Variants in WDR44 observed in about 807,000 individuals in gnomAD.
The protein encoded by WDR44 is WD repeat domain 44.
Under a neutral mutation model 65.7 loss-of-function variants are expected in WDR44, and 9 were observed. The observed-to-expected ratio is 0.14, with a 90% CI of 0.08 to 0.24. The LOEUF (loss-of-function observed/expected upper bound fraction) is 0.24, where lower values mean the gene tolerates loss of function less well. WDR44 is among the 10% of genes least tolerant of loss of function. The pLI is 1.00. For synonymous variants in WDR44, 220 were observed against 235.2 expected, an observed-to-expected ratio of 0.94 and a Z score of 0.59; for missense variants, 425 against 670.9, an observed-to-expected ratio of 0.63 and a Z score of 4.05.
chrX:118,356,069 A>G lies in WDR44; in HGVS notation c.77+9489A>G, dbSNP rs1048949557. Among the ~76,000 whole-genome samples, 46 of 112,409 alleles carry G rather than the reference A, an allele frequency of 4.1e-4. 1 individual carries two copies. The highest frequency in any genetic ancestry group is 5.1e-4 in the Non-Finnish European group (27 of 53,322). ...GAAATATTATAGTGCTACATGTTAC[A>G]TGCAAAGAACGATAACACCATAACA... On this transcript the variant is annotated intron_variant, in intron 1 of 19. Transcript: ENST00000254029.
chrX:118,413,201 A>G (rs1359419153), intron 12 of WDR44, among the ~76,000 whole-genome samples: 1 of 112,272 alleles, frequency 8.9e-6, no homozygotes, highest in African/African-American at 3.2e-5. Flanking sequence ...TCCTCTGGGT[A>G]GATACCCAAT....
At chrX:118,352,965 A>T (rs2056427675) in intron 1 of WDR44, among the ~76,000 whole-genome samples, 1 of 112,122 alleles carries the variant, frequency 8.9e-6, no homozygotes, top group Non-Finnish European at 1.9e-5. Flanking sequence ...TAAGAGATTA[A>T]TAACCTATAA....
chrX:118,445,388 T>A (rs749186817), intron 19 of WDR44, among the ~76,000 whole-genome samples: 118 of 112,652 alleles, frequency 1.0e-3, no homozygotes, highest in Non-Finnish European at 2.0e-3. Flanking sequence ...AAAACTTCTT[T>A]ATTACCTGTC....
chrX:118,410,467 C>G (rs781365260), intron 11 of WDR44, among the ~76,000 whole-genome samples: 3 of 111,555 alleles, frequency 2.7e-5, no homozygotes, highest in Non-Finnish European at 5.6e-5. Flanking sequence ...ACTGTGTTTA[C>G]TATATGGTGA....
intron 10 of WDR44, among the ~76,000 whole-genome samples, chrX:118,407,630 G>A (rs2056979513): frequency 8.9e-6 from 1 of 112,329 alleles, no homozygotes; most frequent in African/African-American, 3.2e-5. Context: ...TTTGAAAAAT[G>A]TTTAAAATGC....
intron 1 of WDR44, among the ~76,000 whole-genome samples, chrX:118,371,431 TGAGA>T (rs753861314): frequency 3.3e-4 from 37 of 111,382 alleles, no homozygotes; most frequent in Middle Eastern, 4.2e-3. Flanking sequence ...TCAAAATTGC[TGAGA>T]GAGTAAATTT....
At chrX:118,366,902 G>A (rs750442848) in intron 1 of WDR44, among the ~76,000 whole-genome samples, 156 of 111,333 alleles carry the variant, frequency 1.4e-3, no homozygotes, top group African/African-American at 4.7e-3. Context: ...TGGAGACCAC[G>A]GTGAAACCCC....
At chrX:118,374,876 A>G (rs2056643697) in intron 1 of WDR44, among the ~76,000 whole-genome samples, 1 of 111,844 alleles carries the variant, frequency 8.9e-6, no homozygotes. Context: ...GATGAGATCG[A>G]GGCTTGGAGA....
chrX:118,427,954 C>T (rs1356452091), intron 12 of WDR44, among the ~76,000 whole-genome samples: 1 of 109,924 alleles, frequency 9.1e-6, no homozygotes, highest in African/African-American at 3.3e-5. Context: ...AGATTACAGG[C>T]GTGAGCCACT....
chrX:118,436,365 A>G, intron 13 of WDR44, among the ~76,000 whole-genome samples: 1 of 112,200 alleles, frequency 8.9e-6, no homozygotes, highest in Non-Finnish European at 1.9e-5. Flanking sequence ...GATGCCTTAT[A>G]CTGATAGCTA....
intron 8 of WDR44, 53 bp from the exon 9 acceptor site, chrX:118,404,285 A>G (rs1248466227): frequency 1.3e-5 from 12 of 933,627 alleles, no homozygotes; most frequent in Non-Finnish European, 1.5e-5. Flanking sequence ...TTGTCTGCAA[A>G]TTATTGGACT....
intron 1 of WDR44, among the ~76,000 whole-genome samples, chrX:118,373,097 AAAAC>A (rs1260086911): frequency 9.0e-6 from 1 of 110,635 alleles, no homozygotes; most frequent in Non-Finnish European, 1.9e-5. Flanking sequence ...CTCAAAAAAT[AAAAC>A]AACAACAACA....
intron 1 of WDR44, among the ~76,000 whole-genome samples, chrX:118,351,142 T>A (rs1182997199): frequency 8.9e-6 from 1 of 112,432 alleles, no homozygotes; most frequent in Non-Finnish European, 1.9e-5. Context: ...TGCTTACGAG[T>A]TTTTTCCAAG....
At chrX:118,392,257 G>A (rs1241469969) in intron 3 of WDR44, among the ~76,000 whole-genome samples, 3 of 111,844 alleles carry the variant, frequency 2.7e-5, no homozygotes, top group Non-Finnish European at 5.6e-5. Context: ...AAATGAATCA[G>A]GATATTGAGT....
intron 3 of WDR44, 98 bp downstream of exon 3, chrX:118,387,512 T>A: frequency 2.1e-6 from 1 of 466,274 alleles, no homozygotes; most frequent in Non-Finnish European, 3.2e-6. Context: ...TAGCGCTCTG[T>A]ACATGGCTGA....
chrX:118,384,186 A>G (rs1292059604), intron 2 of WDR44, among the ~76,000 whole-genome samples: 2 of 110,694 alleles, frequency 1.8e-5, no homozygotes, highest in Non-Finnish European at 3.8e-5. Context: ...TGTATGTATT[A>G]ACTGAAGAAA....
At chrX:118,393,965 T>A in intron 4 of WDR44, 90 bp from the exon 5 acceptor site, 1 of 821,726 alleles carries the variant, frequency 1.2e-6, no homozygotes, top group Non-Finnish European at 1.8e-6. Context: ...GTATAGGAAA[T>A]GAGAGTAATC....
chrX:118,395,585 G>A (rs1436735163), intron 6 of WDR44, among the ~76,000 whole-genome samples: 1 of 111,344 alleles, frequency 9.0e-6, no homozygotes, highest in Non-Finnish European at 1.9e-5. Flanking sequence ...AAATACAGAA[G>A]AAAAAATGAA....
intron 12 of WDR44, among the ~76,000 whole-genome samples, chrX:118,414,933 G>A (rs766820067): frequency 2.1e-4 from 23 of 111,635 alleles, no homozygotes; most frequent in African/African-American, 6.8e-4. Flanking sequence ...GGAGTGGTAA[G>A]AGTGGGCATC....
Sources: gnomAD v4.1 joint callset for allele counts (sites outside exome capture counted in the v4.1 genomes callset) on GRCh38, gnomAD v4.1.1 for gene constraint, MANE v1.5 for transcripts, NCBI Gene and HGNC (gene_info 2026-07-23, HGNC 2026-07-21) for gene names.